MAGI1: variants seen among roughly 807,000 people sequenced by gnomAD.
MAGI1 encodes membrane-associated guanylate kinase, WW and PDZ domain-containing protein 1.
MAGI1 carries 58 observed loss-of-function variants against 139.9 expected under a neutral mutation model. That is an observed-to-expected ratio of 0.41 (90% CI 0.34 to 0.52). The LOEUF (loss-of-function observed/expected upper bound fraction) is 0.52. Ranked by LOEUF, MAGI1 falls within the 20% of genes least tolerant of loss-of-function variation. The pLI is 0.12. For missense variants in MAGI1, 1,874 were observed against 1,901.6 expected, an observed-to-expected ratio of 0.99 and a Z score of 0.27; for synonymous variants, 812 against 737.9, an observed-to-expected ratio of 1.10 and a Z score of -1.63.
intron 1 of MAGI1, among the ~76,000 whole-genome samples, chr3:65,971,403 T>C (rs1175772658): frequency 1.3e-5 from 2 of 152,176 alleles, no homozygotes; most frequent in Non-Finnish European, 2.9e-5. Context: ...TTATGATCTC[T>C]GGAGACCATC....
chr3:65,894,059 T>A (rs1015698483), intron 1 of MAGI1: 17 of 152,246 alleles, frequency 1.1e-4, no homozygotes, highest in African/African-American at 3.9e-4. Flanking sequence ...TATGACCCTA[T>A]CTTGGAAGTC....
intron 3 of MAGI1, among the ~76,000 whole-genome samples, chr3:65,487,968 C>CT (rs1297127502): frequency 6.6e-6 from 1 of 152,172 alleles, no homozygotes. Context: ...AACTTGGTTT[C>CT]TCAATCACAA....
At chr3:65,550,951 C>G (rs903979793) in intron 2 of MAGI1, among the ~76,000 whole-genome samples, 2 of 151,816 alleles carry the variant, frequency 1.3e-5, no homozygotes, top group African/African-American at 4.8e-5. Context: ...GCCTGGGCAA[C>G]AGAGACCCTG....
Position 65,813,651 on chromosome 3 carries a change from G to C in MAGI1, c.314-191563C>G, listed in dbSNP as rs76855806. ...TCTCTTTAACATATGTATCATCTTT[G>C]ACCCAGCCATTCCACTTCTAGAAAT... On this transcript the variant is annotated intron_variant, in intron 1 of 22. Transcript: ENST00000402939. Among the ~76,000 whole-genome samples the C allele has an allele frequency of 1.4e-4, 21 of 152,272 alleles. No homozygotes were observed. The East Asian group carries it at 4.1e-3, about 29-fold the overall frequency.
chr3:65,481,218 G>T (rs993190238), intron 3 of MAGI1, among the ~76,000 whole-genome samples: 1 of 152,080 alleles, frequency 6.6e-6, no homozygotes, highest in Non-Finnish European at 1.5e-5. Flanking sequence ...GAATTGAGTC[G>T]AATCAGCTTG....
intron 1 of MAGI1, among the ~76,000 whole-genome samples, chr3:65,857,804 T>A (rs1352331333): frequency 6.6e-6 from 1 of 152,150 alleles, no homozygotes; most frequent in Non-Finnish European, 1.5e-5. Flanking sequence ...TTTACCTGTG[T>A]GACATTCGTT....
At chr3:65,613,080 C>G (rs545394511) in intron 2 of MAGI1, among the ~76,000 whole-genome samples, 2 of 152,160 alleles carry the variant, frequency 1.3e-5, no homozygotes, top group Admixed American at 6.6e-5. Context: ...AAGGTGATTG[C>G]AGGCAGAAAA....
At chr3:65,950,059 C>CAAAAAAAAAAAAAAAA (rs1264298678) in intron 1 of MAGI1, among the ~76,000 whole-genome samples, 2 of 13,464 alleles carry the variant, frequency 1.5e-4, no homozygotes, top group African/African-American at 8.6e-4. Context: ...AAAAAAAAAA[C>CAAAAAAAAAAAAAAAA]AAAAAAACAA....
intron 12 of MAGI1, among the ~76,000 whole-genome samples, chr3:65,415,158 G>C (rs1032636648): frequency 6.6e-6 from 1 of 152,052 alleles, no homozygotes; most frequent in Non-Finnish European, 1.5e-5. Context: ...GGAACGTGCT[G>C]TCACAGACCA....
intron 7 of MAGI1, 53 bp from the exon 8 acceptor site, chr3:65,442,902 G>T: frequency 7.0e-7 from 1 of 1,430,646 alleles, no homozygotes; most frequent in Non-Finnish European, 9.8e-7. Flanking sequence ...TGAAGAGCCT[G>T]GGTGTTTTCA....
chr3:65,872,478 C>T (rs1184402106), intron 1 of MAGI1, among the ~76,000 whole-genome samples: 1 of 152,068 alleles, frequency 6.6e-6, no homozygotes, highest in Non-Finnish European at 1.5e-5. Context: ...ACACTGGAGG[C>T]CACAAACACA....
intron 15 of MAGI1, 87 bp from the exon 16 acceptor site, chr3:65,382,156 A>G (rs1943101988): frequency 8.7e-7 from 1 of 1,151,992 alleles, no homozygotes; most frequent in African/African-American, 1.5e-5. Flanking sequence ...GGAACAATTC[A>G]TTCATTCATG....
intron 2 of MAGI1, among the ~76,000 whole-genome samples, chr3:65,596,052 C>T (rs1288716631): frequency 5.9e-5 from 9 of 152,128 alleles, no homozygotes; most frequent in East Asian, 1.9e-4. Flanking sequence ...GCCTTGTCGA[C>T]GAGTTTCAGT....
At chr3:65,632,095 A>C (rs79775833) in intron 1 of MAGI1, among the ~76,000 whole-genome samples, 7,931 of 152,168 alleles carry the variant, frequency 0.052, 421 homozygotes, top group African/African-American at 0.13. Flanking sequence ...GTAATAAAAA[A>C]CTTTAAACAT....
intron 1 of MAGI1, among the ~76,000 whole-genome samples, chr3:65,769,949 T>C (rs1348525925): frequency 6.6e-6 from 1 of 152,116 alleles, no homozygotes; most frequent in East Asian, 1.9e-4. Flanking sequence ...AGTCACAGTA[T>C]CCAACAGGGC....
intron 1 of MAGI1, among the ~76,000 whole-genome samples, chr3:65,855,308 G>C (rs986011318): frequency 6.6e-6 from 1 of 151,822 alleles, no homozygotes; most frequent in East Asian, 2.0e-4. Flanking sequence ...GGCTTGGTGC[G>C]ATGGCTCACA....
chr3:65,759,715 G>A (rs958001613), intron 1 of MAGI1, among the ~76,000 whole-genome samples: 1 of 152,130 alleles, frequency 6.6e-6, no homozygotes, highest in South Asian at 2.1e-4. Context: ...TCATTTCAAC[G>A]TCATGGGGCA....
At chr3:66,023,971 T>C (rs896044557) in intron 1 of MAGI1, among the ~76,000 whole-genome samples, 24 of 152,118 alleles carry the variant, frequency 1.6e-4, no homozygotes, top group Non-Finnish European at 2.2e-4. Context: ...ATAACTTGAA[T>C]TGGAAAGCTG....
chr3:65,597,902 G>A (rs1446306769), intron 2 of MAGI1: 1 of 443,858 alleles, frequency 2.3e-6, no homozygotes, highest in Non-Finnish European at 4.5e-6. Context: ...TGGCTCTGCA[G>A]CGGCTGTAAA....
Sources: gnomAD v4.1 joint callset for allele counts (sites outside exome capture counted in the v4.1 genomes callset) on GRCh38, gnomAD v4.1.1 for gene constraint, MANE v1.5 for transcripts, NCBI Gene and HGNC (gene_info 2026-07-23, HGNC 2026-07-21) for gene names.